Variants in DNAH2 observed in about 807,000 individuals in gnomAD.
DNAH2 encodes the protein axonemal beta dynein heavy chain 2.
DNAH2 carries 323 observed loss-of-function variants against 523.5 expected under a neutral mutation model. That is an observed-to-expected ratio of 0.62 (90% confidence interval 0.56 to 0.68). The LOEUF is 0.68. DNAH2 is among the 30% of genes least tolerant of loss of function. The pLI, the probability that DNAH2 is intolerant of heterozygous loss-of-function variation, is 0.00. For missense variants in DNAH2, 4,907 were observed against 5,701.5 expected (o/e 0.86, Z 4.49); for synonymous variants, 2,093 against 2,177.4 (o/e 0.96, Z 1.08).
intron 68 of DNAH2, 67 bp downstream of exon 68, chr17:7,818,163 T>C: frequency 1.2e-6 from 2 of 1,603,606 alleles, no homozygotes; most frequent in Non-Finnish European, 1.7e-6. Context: ...TCTCTGACTG[T>C]GTCCTCTTCT....
chr17:7,825,723 A>G (rs2078000289), intron 77 of DNAH2, among the ~76,000 whole-genome samples: 1 of 152,126 alleles, frequency 6.6e-6, no homozygotes, highest in African/African-American at 2.4e-5. Context: ...TGTCCTTTTC[A>G]TGATTTCAAC....
chr17:7,734,010 T>G (rs748545217), intron 5 of DNAH2, among the ~76,000 whole-genome samples, 173 bp from the exon 6 acceptor site: 3 of 152,224 alleles, frequency 2.0e-5, no homozygotes, highest in Non-Finnish European at 4.4e-5. Flanking sequence ...GAGGTTTCCC[T>G]CTTGCCTTTG....
chr17:7,800,472 G>A (rs569937358), intron 56 of DNAH2, among the ~76,000 whole-genome samples: 1 of 152,228 alleles, frequency 6.6e-6, no homozygotes, highest in African/African-American at 2.4e-5. Flanking sequence ...TATCTTGTAT[G>A]TCTATACCAC....
At chr17:7,820,129 A>T (rs1334862150) in intron 72 of DNAH2, among the ~76,000 whole-genome samples, 4 of 151,040 alleles carry the variant, frequency 2.6e-5, no homozygotes, top group Admixed American at 1.3e-4. Flanking sequence ...GTTATCCTTG[A>T]CTCTTCCCTT....
At position 7,776,477 on chromosome 17, in the gene DNAH2, A is replaced by C. The variant is rs530436967; in HGVS notation, c.4948-302A>C. Among the ~76,000 whole-genome samples the C allele has an allele frequency of 2.8e-4, 42 of 152,260 alleles. 1 individual carries two copies. The highest frequency in any genetic ancestry group is 8.9e-4 in the African/African-American group (37 of 41,534). On this transcript the variant is annotated intron_variant, in intron 31 of 85. Transcript: ENST00000572933. ...CAAGACTCTGTCTAAAAAAAGAGAA[A>C]AAAAGAAAGAAATGAAGAAATGAGG...
Position 7,780,221 on chromosome 17 carries a change from G to A in DNAH2, c.5787G>A (p.Val1929=), listed in dbSNP as rs2076566211. 8.7e-6 allele frequency: 14 copies of A among 1,614,180 alleles called. No homozygotes were observed. The highest frequency in any genetic ancestry group is 1.2e-5 in the Non-Finnish European group (14 of 1,180,030). The change falls in exon 37 of 86, where the codon GTG becomes GTA. Residue 1929 remains valine (V), a synonymous_variant. Coordinates refer to ENST00000572933, the MANE Select transcript of DNAH2 (RefSeq NM_020877.5). This position sits in a 1 kb window ranked among gnomAD's most constrained non-coding sequence, Gnocchi z 4.4. ...CCATGTTCCGCCCAATTGCCATGGTGGTGCCTGACTCCACCCTCATTGCAG... is the reference window on the plus strand; with the variant it reads ...CCATGTTCCGCCCAATTGCCATGGTAGTGCCTGACTCCACCCTCATTGCAG... The part of the protein sequence containing the change: ...LKSMFRPIAM[V]VPDSTLIAEI...
intron 49 of DNAH2, 42 bp from the exon 50 acceptor site, chr17:7,796,419 TAGA>T (rs1162995413): frequency 6.2e-7 from 1 of 1,601,970 alleles, no homozygotes; most frequent in African/African-American, 1.3e-5. Flanking sequence ...CCCCTCTGGC[TAGA>T]AGGCCAGCAG....
In DNAH2 at chr17:7,766,640, C is replaced by CTTTTTTTTT. The variant is rs58072098; in HGVS notation, c.3675+176_3675+184dup. Among the ~76,000 whole-genome samples the CTTTTTTTTT allele has an allele frequency of 1.7e-4, 14 of 84,442 alleles. 1 individual carries two copies. The highest frequency in any genetic ancestry group is 4.5e-4 in the Admixed American group (3 of 6,622). 55.4% of individuals were successfully genotyped at this position (84,442 alleles called of 152,430 possible). On this transcript the variant is annotated intron_variant, in intron 22 of 85. Coordinates refer to ENST00000572933, the MANE Select transcript of DNAH2 (RefSeq NM_020877.5). Reference sequence around the variant, plus strand: ...TAAAATTCATACAACAAAATTAATCCTTTTTTTTTTTTTTTTTTTTTTTTT... The same window carrying CTTTTTTTTT: ...TAAAATTCATACAACAAAATTAATCCTTTTTTTTTTTTTTTTTTTTTTTTTTTTTTTTTT...
intron 22 of DNAH2, among the ~76,000 whole-genome samples, chr17:7,767,051 C>G (rs2076188785): frequency 6.6e-6 from 1 of 152,080 alleles, no homozygotes; most frequent in South Asian, 2.1e-4. Context: ...AAACTCTGCC[C>G]ATTAGCAGTC....
chr17:7,820,921 C>A (rs1051299131), intron 72 of DNAH2, among the ~76,000 whole-genome samples: 1 of 152,092 alleles, frequency 6.6e-6, no homozygotes, highest in African/African-American at 2.4e-5. Context: ...CTCCTGTAAT[C>A]CCAGCTGCTT....
chr17:7,777,328 G>T (rs903312233), intron 32 of DNAH2, 118 bp from the exon 33 acceptor site: 39 of 1,076,796 alleles, frequency 3.6e-5, no homozygotes, highest in Non-Finnish European at 4.9e-5. Flanking sequence ...GAATTACCAG[G>T]AGTTACAGCA....
chr17:7,810,965 A>G (rs1015670925), intron 63 of DNAH2, among the ~76,000 whole-genome samples: 1 of 152,250 alleles, frequency 6.6e-6, no homozygotes, highest in Non-Finnish European at 1.5e-5. Flanking sequence ...AACAAGGGTT[A>G]CAAACCAGTG....
Position 7,776,106 on chromosome 17 carries a change from TC to T in DNAH2, c.4906del (p.Leu1636SerfsTer8). On this transcript the variant is annotated frameshift_variant, in exon 31 of 86. Coordinates refer to ENST00000572933, the MANE Select transcript of DNAH2 (RefSeq NM_020877.5). LOFTEE classifies it high-confidence loss of function. The stretch of plus-strand genomic sequence containing the variant: ...AACTGCCACCTGGCCCTCAGGAAGT[TC>T]CTCAACAAGAGGGACAAATGGGTGA... ...LRNCHLALRK[F>X]LNKRDKWVKE... 2 of 1,614,022 alleles carry T rather than the reference TC, an allele frequency of 1.2e-6. No individual in the cohort carries two copies. The highest frequency in any genetic ancestry group is 1.7e-6 in the Non-Finnish European group (2 of 1,179,946).
At position 7,792,640 on chromosome 17, in the gene DNAH2, C is replaced by A; in HGVS notation, c.7146-17C>A. On this transcript the variant is annotated splice_polypyrimidine_tract_variant and intron_variant, in intron 46 of 85. Coordinates refer to ENST00000572933, the MANE Select transcript of DNAH2 (RefSeq NM_020877.5). ...TGGGCGGCTGGTCCTTGAGAGCCGGCCCCTGCTCTTCCCTAGCGCCCCCTT... is the reference window on the plus strand; with the variant it reads ...TGGGCGGCTGGTCCTTGAGAGCCGGACCCTGCTCTTCCCTAGCGCCCCCTT... 3 of 1,607,920 alleles carry A rather than the reference C, an allele frequency of 1.9e-6. No individual in the cohort carries two copies. The highest frequency in any genetic ancestry group is 2.7e-5 in the African/African-American group (2 of 74,886).
At chr17:7,814,843 C>G (rs1254732211) in intron 63 of DNAH2, among the ~76,000 whole-genome samples, 1 of 152,194 alleles carries the variant, frequency 6.6e-6, no homozygotes, top group Non-Finnish European at 1.5e-5. Context: ...GAGCGAGACT[C>G]CGTCTCAAAA....
At chr17:7,796,027 C>T (rs1400302864) in intron 49 of DNAH2, among the ~76,000 whole-genome samples, 3 of 140,830 alleles carry the variant, frequency 2.1e-5, no homozygotes, top group East Asian at 2.0e-4. Context: ...TGTCAGTTGT[C>T]TTATTTCTGA....
intron 24 of DNAH2, among the ~76,000 whole-genome samples, chr17:7,769,405 G>A (rs181703033): frequency 1.8e-4 from 28 of 152,152 alleles, no homozygotes; most frequent in Admixed American, 1.0e-3. Flanking sequence ...CAAGTGATCC[G>A]CTCGCCTTGG....
rs555626426 is a variant in DNAH2 at position 7,798,403 on chromosome 17, C to G, written c.8398+79C>G. On this transcript the variant is annotated intron_variant, in intron 54 of 85. Transcript: ENST00000572933. The surrounding 1 kb of genome is among the most constrained non-coding windows in gnomAD (Gnocchi z 5.5). ...TGCAGTGACAAGAGAGGAGAGATGG[C>G]AGCCAGATGGGCAGACGTGTCTGGC... is the stretch of plus-strand genomic sequence containing the variant. 10 of 1,543,002 alleles carry G rather than the reference C, an allele frequency of 6.5e-6. No homozygotes were observed. In the African/African-American group the frequency reaches 1.3e-4, roughly 21 times the overall value.
Position 7,791,909 on chromosome 17 carries a change from CCAT to C in DNAH2, c.6901-6_6901-4del. On this transcript the variant is annotated splice_polypyrimidine_tract_variant and splice_region_variant and intron_variant, in intron 44 of 85. Coordinates refer to ENST00000572933, the MANE Select transcript of DNAH2 (RefSeq NM_020877.5). ...GTGGGTTATTTCCTCTTCTCGTTCT[CCAT>C]CCAGGTGAACCCAGCTGACGGCGAG... The C allele has an allele frequency of 6.2e-7, 1 of 1,612,138 alleles. No individual in the cohort carries two copies. The highest frequency in any genetic ancestry group is 8.5e-7 in the Non-Finnish European group (1 of 1,179,220).
Sources: gnomAD v4.1 joint callset for allele counts (sites outside exome capture counted in the v4.1 genomes callset) on GRCh38, gnomAD v4.1.1 for gene constraint, Gnocchi (gnomAD v3.1) non-coding constraint, MANE v1.5 for transcripts, NCBI Gene and HGNC (gene_info 2026-07-23, HGNC 2026-07-21) for gene names.